The following TENM3 variants were observed in gnomAD, a reference collection of about 807,000 sequenced individuals.
TENM3 encodes teneurin-3.
In TENM3, 63 loss-of-function variants were observed where a neutral mutation model predicts 255.1. The observed-to-expected ratio is 0.25, with a 90% CI of 0.20 to 0.30. TENM3 has a LOEUF of 0.30. Ranked by LOEUF, TENM3 falls within the 10% of genes least tolerant of loss-of-function variation. The pLI, the probability that TENM3 is intolerant of heterozygous loss-of-function variation, is 1.00. For missense variants in TENM3, 2,929 were observed against 3,461.1 expected (o/e 0.85, Z 3.86); for synonymous variants, 1,306 against 1,322.3 (o/e 0.99, Z 0.27).
the TENM3 span, among the ~76,000 whole-genome samples, chr4:181,724,643 A>AGTTTTGATC: frequency 6.6e-6 from 1 of 152,074 alleles, no homozygotes; most frequent in African/African-American, 2.4e-5. Flanking sequence ...TTTGTTTGTT[A>AGTTTTGATC]GTTTTGATCT....
chr4:181,958,626 T>C, the TENM3 span, among the ~76,000 whole-genome samples: 1 of 152,284 alleles, frequency 6.6e-6, no homozygotes, highest in African/African-American at 2.4e-5. Context: ...GGCTGGAAAC[T>C]GCTTCACAGA....
the TENM3 span, among the ~76,000 whole-genome samples, chr4:181,828,845 C>T: frequency 2.0e-5 from 3 of 152,316 alleles, no homozygotes; most frequent in East Asian, 1.9e-4. Flanking sequence ...TCATCTCGGC[C>T]TCCCAAAGTG....
intron 1 of TENM3, among the ~76,000 whole-genome samples, chr4:182,147,839 T>C (rs1313239469): frequency 1.3e-5 from 2 of 152,138 alleles, no homozygotes; most frequent in Non-Finnish European, 2.9e-5. Context: ...CGTAGGAAAA[T>C]TGAACACATG....
chr4:182,520,774 CA>C, intron 3 of TENM3, among the ~76,000 whole-genome samples: 1 of 152,266 alleles, frequency 6.6e-6, no homozygotes, highest in South Asian at 2.1e-4. Context: ...AGTTTTATAA[CA>C]AAATGGCTTA....
At chr4:182,247,027 T>C (rs1757700699) in intron 1 of TENM3, among the ~76,000 whole-genome samples, 1 of 152,174 alleles carries the variant, frequency 6.6e-6, no homozygotes, top group Non-Finnish European at 1.5e-5. Flanking sequence ...TGTGGGCAGC[T>C]GTGGGAGGAC....
At chr4:182,720,831 A>G (rs1381073698) in intron 13 of TENM3, among the ~76,000 whole-genome samples, 3 of 142,588 alleles carry the variant, frequency 2.1e-5, no homozygotes, top group African/African-American at 7.9e-5. Flanking sequence ...GCAATAGCAT[A>G]GTCTTAGCTC....
chr4:182,293,170 C>T (rs1241458098), intron 1 of TENM3, among the ~76,000 whole-genome samples: 1 of 152,194 alleles, frequency 6.6e-6, no homozygotes, highest in African/African-American at 2.4e-5. Context: ...TTAAGTAATT[C>T]TTCTAGGATG....
the TENM3 span, among the ~76,000 whole-genome samples, chr4:181,563,226 A>T: frequency 6.6e-6 from 1 of 152,166 alleles, no homozygotes; most frequent in Non-Finnish European, 1.5e-5. Flanking sequence ...GCTGTAAGGA[A>T]GAAGCTGTTC....
At chr4:182,075,747 C>A in the TENM3 span, among the ~76,000 whole-genome samples, 2 of 151,968 alleles carry the variant, frequency 1.3e-5, no homozygotes, top group Non-Finnish European at 2.9e-5. Flanking sequence ...TCAAATGTTT[C>A]AGCCCTGCAC....
chr4:182,135,857 GT>G, the TENM3 span, among the ~76,000 whole-genome samples: 2 of 152,200 alleles, frequency 1.3e-5, no homozygotes, highest in African/African-American at 4.8e-5. Flanking sequence ...CAGACAAGAA[GT>G]TTTGTGAGAC....
chr4:181,801,651 A>AATAT, the TENM3 span, among the ~76,000 whole-genome samples: 1,790 of 79,376 alleles, frequency 0.023, 59 homozygotes, highest in Non-Finnish European at 0.03. Context: ...AGAATTGTAA[A>AATAT]ATATATATAT....
chr4:182,428,536 C>G (rs192911458), intron 3 of TENM3, among the ~76,000 whole-genome samples: 3 of 151,358 alleles, frequency 2.0e-5, no homozygotes, highest in Non-Finnish European at 4.4e-5. Context: ...TTTATGGATG[C>G]CAATAGTTGG....
the TENM3 span, among the ~76,000 whole-genome samples, chr4:181,936,080 A>G: frequency 6.6e-6 from 1 of 152,122 alleles, no homozygotes; most frequent in Non-Finnish European, 1.5e-5. Flanking sequence ...CTCAGTGCTG[A>G]GTGCTTTATT....
intron 3 of TENM3, among the ~76,000 whole-genome samples, chr4:182,600,184 G>A (rs1032244575): frequency 2.0e-5 from 3 of 152,198 alleles, no homozygotes. Flanking sequence ...ACTTCAGAAT[G>A]TAGTTACACT....
At chr4:182,408,585 G>C (rs1033635934) in intron 3 of TENM3, among the ~76,000 whole-genome samples, 1 of 152,172 alleles carries the variant, frequency 6.6e-6, no homozygotes, top group Non-Finnish European at 1.5e-5. Context: ...TAGAGACAAG[G>C]CTGCTAGCTA....
chr4:182,441,050 C>T lies in TENM3; in HGVS notation c.511+94121C>T, dbSNP rs115054659. Reference sequence around the variant, plus strand: ...TGTATTACTTGGAATGGCTATGGCACGGAAGGGCTTTTTTTTAACCAAATA... The same window carrying T: ...TGTATTACTTGGAATGGCTATGGCATGGAAGGGCTTTTTTTTAACCAAATA... On this transcript the variant is annotated intron_variant, in intron 3 of 27. Transcript: ENST00000511685. Among the ~76,000 whole-genome samples, 1,193 of 152,062 alleles carry T rather than the reference C, an allele frequency of 7.8e-3. 18 individuals are homozygous for T. The highest frequency in any genetic ancestry group is 0.027 in the African/African-American group (1,135 of 41,462).
the TENM3 span, among the ~76,000 whole-genome samples, chr4:182,077,117 T>C: frequency 0.6 from 90,822 of 151,956 alleles, 27,525 homozygotes; most frequent in Middle Eastern, 0.64. Context: ...ATATGACTCT[T>C]GCCATCATTG....
At chr4:181,776,733 T>C in the TENM3 span, among the ~76,000 whole-genome samples, 1 of 152,166 alleles carries the variant, frequency 6.6e-6, no homozygotes, top group Non-Finnish European at 1.5e-5. Context: ...TTGAGAAATG[T>C]CTATTCAAGT....
chr4:182,441,831 C>T (rs757893086), intron 3 of TENM3, among the ~76,000 whole-genome samples: 4 of 152,176 alleles, frequency 2.6e-5, no homozygotes, highest in Non-Finnish European at 5.9e-5. Context: ...TGGCCCAAAC[C>T]AGCATTTATT....
Sources: gnomAD v4.1 joint callset for allele counts (sites outside exome capture counted in the v4.1 genomes callset) on GRCh38, gnomAD v4.1.1 for gene constraint, MANE v1.5 for transcripts, NCBI Gene and HGNC (gene_info 2026-07-23, HGNC 2026-07-21) for gene names.